Variants in TNKS observed in about 807,000 individuals in gnomAD.
The protein encoded by TNKS is tankyrase.
In TNKS, 72 loss-of-function variants were observed where a neutral mutation model predicts 135.8. The ratio of observed to expected loss-of-function variants is 0.53; its 90% CI spans 0.44 to 0.64. The LOEUF is 0.64. Among genes scored for constraint, TNKS ranks in the 30% least tolerant of loss-of-function variants. The probability of loss-of-function intolerance (pLI) is 0.00; values close to 1 mark genes in which losing one functional copy is unlikely to be tolerated. For missense variants in TNKS, 1,769 were observed against 1,674.0 expected (o/e 1.06, Z -0.99); for synonymous variants, 849 against 649.3 (o/e 1.31, Z -4.68).
chr8:9,736,502 C>G (rs1024040637), intron 17 of TNKS, among the ~76,000 whole-genome samples: 14 of 151,490 alleles, frequency 9.2e-5, no homozygotes, highest in Admixed American at 6.6e-5. Context: ...ATGGTAATGC[C>G]TAGGTTTTCT....
chr8:9,731,460 C>CAAAAAAAA (rs36213271), intron 14 of TNKS, among the ~76,000 whole-genome samples: 12 of 67,530 alleles, frequency 1.8e-4, no homozygotes, highest in Non-Finnish European at 2.5e-4. Context: ...AATTCCATCT[C>CAAAAAAAA]AAAAAAAAAA....
At chr8:9,721,903 A>G (rs796307119) in intron 12 of TNKS, among the ~76,000 whole-genome samples, 4 of 152,118 alleles carry the variant, frequency 2.6e-5, no homozygotes, top group African/African-American at 9.6e-5. Context: ...ATGTTAAAAA[A>G]TTAGCCGGGT....
At chr8:9,611,413 C>G (rs940080349) in intron 2 of TNKS, among the ~76,000 whole-genome samples, 1 of 152,114 alleles carries the variant, frequency 6.6e-6, no homozygotes, top group Non-Finnish European at 1.5e-5. Flanking sequence ...ATTTGTGCTA[C>G]TTTTTAAAAA....
intron 3 of TNKS, among the ~76,000 whole-genome samples, chr8:9,628,351 G>A (rs4348499): frequency 0.89 from 134,880 of 152,112 alleles, 59,968 homozygotes; most frequent in Non-Finnish European, 0.93. Flanking sequence ...CCTTTTTGCT[G>A]TTGTTATTGT....
chr8:9,668,576 G>C lies in TNKS; in HGVS notation c.995-11375G>C, dbSNP rs73526944. 3.2e-3 allele frequency among the ~76,000 whole-genome samples: 483 copies of C among 152,314 alleles called. 2 individuals carry two copies. Among genetic ancestry groups the C allele is most frequent in the African/African-American group, 0.011 (445 of 41,558 alleles). On this transcript the variant is annotated intron_variant, in intron 3 of 26. Coordinates refer to ENST00000310430, the MANE Select transcript of TNKS (RefSeq NM_003747.3). ...ATAACTTGCCTAAAATTTTAAAACT[G>C]TAGTGTCAAAGCTAGGACTGGAATC... is the stretch of plus-strand genomic sequence containing the variant.
chr8:9,764,640 A>G, intron 22 of TNKS, 76 bp from the exon 23 acceptor site: 1 of 1,084,342 alleles, frequency 9.2e-7, no homozygotes. Flanking sequence ...ATTTATTAAT[A>G]CTGAATTTTA....
chr8:9,648,669 A>T (rs1563140816), intron 3 of TNKS, among the ~76,000 whole-genome samples: 1 of 152,164 alleles, frequency 6.6e-6, no homozygotes, highest in Non-Finnish European at 1.5e-5. Flanking sequence ...TAATGCTCCC[A>T]CTGTGACATT....
intron 5 of TNKS, among the ~76,000 whole-genome samples, chr8:9,681,849 C>T (rs1294621648): frequency 6.6e-6 from 1 of 151,990 alleles, no homozygotes; most frequent in Non-Finnish European, 1.5e-5. Context: ...GGAATTGAGT[C>T]CCTCGGAATA....
rs114619863 is a variant in TNKS at position 9,585,749 on chromosome 8, C to A, written c.898+5366C>A. Among the ~76,000 whole-genome samples the A allele has an allele frequency of 8.7e-3, 1,328 of 152,302 alleles. 16 individuals are homozygous for A. The highest frequency in any genetic ancestry group is 0.03 in the African/African-American group (1,260 of 41,562). Reference sequence around the variant, plus strand: ...CTGCAACTTTCTTTCTCTATACTTTCAAACAATTCTTGGTTTAATTTGTCT... The same window carrying A: ...CTGCAACTTTCTTTCTCTATACTTTAAAACAATTCTTGGTTTAATTTGTCT... On this transcript the variant is annotated intron_variant, in intron 2 of 26. Transcript: ENST00000310430.
intron 23 of TNKS, 21 bp from the exon 24 acceptor site, chr8:9,765,671 C>T (rs1404600197): frequency 1.3e-6 from 2 of 1,593,354 alleles, no homozygotes; most frequent in Admixed American, 3.4e-5. Flanking sequence ...GATAATGTTT[C>T]TTTCTTCTTC....
intron 3 of TNKS, among the ~76,000 whole-genome samples, chr8:9,669,190 G>A (rs532561791): frequency 1.3e-3 from 191 of 151,336 alleles, no homozygotes; most frequent in African/African-American, 3.0e-3. Flanking sequence ...AGGCCGAGGC[G>A]GGTGGATCAT....
intron 1 of TNKS, among the ~76,000 whole-genome samples, chr8:9,560,926 A>G (rs892401184): frequency 2.0e-5 from 3 of 152,180 alleles, no homozygotes; most frequent in Non-Finnish European, 1.5e-5. Context: ...TTTTACCTCA[A>G]TGATACTGCT....
intron 5 of TNKS, among the ~76,000 whole-genome samples, chr8:9,692,930 A>T (rs1447796369): frequency 6.6e-6 from 1 of 152,158 alleles, no homozygotes; most frequent in Non-Finnish European, 1.5e-5. Context: ...CTAGCTGTTA[A>T]TTTGTTTAGG....
intron 2 of TNKS, among the ~76,000 whole-genome samples, chr8:9,590,518 A>G (rs1798551000): frequency 6.6e-6 from 1 of 152,200 alleles, no homozygotes; most frequent in East Asian, 1.9e-4. Flanking sequence ...ACTCTTCCCA[A>G]CTTTGTGCCT....
At chr8:9,657,251 C>T (rs1441463939) in intron 3 of TNKS, among the ~76,000 whole-genome samples, 56 of 89,664 alleles carry the variant, frequency 6.2e-4, no homozygotes, top group South Asian at 8.0e-4. Flanking sequence ...GGCGGGGGGC[C>T]GACCCCCCCA....
At chr8:9,707,714 C>T (rs911188870) in intron 8 of TNKS, among the ~76,000 whole-genome samples, 3 of 152,154 alleles carry the variant, frequency 2.0e-5, no homozygotes, top group Admixed American at 2.0e-4. Flanking sequence ...TACAGCTTTT[C>T]AAAAAATCTC....
At position 9,772,112 on chromosome 8, in the gene TNKS, G is replaced by A. The variant is rs550351091; in HGVS notation, c.3897+1850G>A. Among the ~76,000 whole-genome samples the A allele has an allele frequency of 3.2e-4, 47 of 147,786 alleles. 1 individual carries two copies. In the South Asian group the frequency reaches 5.7e-3, roughly 18 times the overall value. ...GAGGGAGGGAGAAACAGGGAAGGAC[G>A]GGTGGAGGGAGGGATGACATGGGAC... On this transcript the variant is annotated intron_variant, in intron 26 of 26. Coordinates refer to ENST00000310430, the MANE Select transcript of TNKS (RefSeq NM_003747.3).
At chr8:9,605,900 C>T (rs915200639) in intron 2 of TNKS, among the ~76,000 whole-genome samples, 2 of 151,920 alleles carry the variant, frequency 1.3e-5, no homozygotes, top group Non-Finnish European at 2.9e-5. Flanking sequence ...TTTGCCTTTT[C>T]ATGTTCTTAA....
intron 17 of TNKS, among the ~76,000 whole-genome samples, chr8:9,742,939 C>G (rs559785598): frequency 1.3e-5 from 2 of 151,856 alleles, no homozygotes; most frequent in South Asian, 4.2e-4. Context: ...CAACTGTGTT[C>G]TATTATTTGT....
Sources: gnomAD v4.1 joint callset for allele counts (sites outside exome capture counted in the v4.1 genomes callset) on GRCh38, gnomAD v4.1.1 for gene constraint, MANE v1.5 for transcripts, NCBI Gene and HGNC (gene_info 2026-07-23, HGNC 2026-07-21) for gene names.